The following TMEM132D variants were observed in gnomAD, a reference collection of about 807,000 sequenced individuals.
The protein encoded by TMEM132D is transmembrane protein 132D.
A neutral mutation model predicts 62.3 loss-of-function variants in TMEM132D; 21 were observed. That is an observed-to-expected ratio of 0.34 (90% CI 0.24 to 0.49). The LOEUF is 0.49. TMEM132D is among the 20% of genes least tolerant of loss of function. The pLI, the probability that TMEM132D is intolerant of heterozygous loss-of-function variation, is 0.99. For missense variants in TMEM132D, 1,346 were observed against 1,402.8 expected, an observed-to-expected ratio of 0.96 and a Z score of 0.65; for synonymous variants, 621 against 575.6, an observed-to-expected ratio of 1.08 and a Z score of -1.13.
At chr12:129,627,267 T>C (rs969981225) in intron 2 of TMEM132D, among the ~76,000 whole-genome samples, 1 of 152,224 alleles carries the variant, frequency 6.6e-6, no homozygotes, top group African/African-American at 2.4e-5. Context: ...AAGAATATAA[T>C]ACCATATTTT....
At chr12:129,790,884 G>A (rs140397539) in intron 1 of TMEM132D, among the ~76,000 whole-genome samples, 4 of 152,262 alleles carry the variant, frequency 2.6e-5, no homozygotes, top group East Asian at 1.9e-4. Context: ...TTTAATAGAT[G>A]TTCTTTAAAA....
At chr12:129,401,783 A>C in intron 3 of TMEM132D, among the ~76,000 whole-genome samples, 2 of 151,506 alleles carry the variant, frequency 1.3e-5, no homozygotes, top group Non-Finnish European at 1.5e-5. Context: ...CCTTCTCTCC[A>C]CTCCTCAACC....
intron 4 of TMEM132D, among the ~76,000 whole-genome samples, chr12:129,312,350 A>G (rs1401484470): frequency 6.6e-6 from 1 of 152,148 alleles, no homozygotes; most frequent in African/African-American, 2.4e-5. Context: ...GGGAAAATAA[A>G]AGATTTATTA....
chr12:129,174,228 T>A (rs1228866953), intron 5 of TMEM132D, among the ~76,000 whole-genome samples: 7 of 152,140 alleles, frequency 4.6e-5, no homozygotes, highest in Non-Finnish European at 1.0e-4. Flanking sequence ...TCACTCCCCT[T>A]GCCCCCCACC....
Position 129,830,267 on chromosome 12 carries a change from C to T in TMEM132D, c.79+72994G>A, listed in dbSNP as rs142162483. On this transcript the variant is annotated intron_variant, in intron 1 of 8. Coordinates refer to ENST00000422113, the MANE Select transcript of TMEM132D (RefSeq NM_133448.3). ...GCCACATGAGAGAGAGAAAGAGAGA[C>T]GATAGATGACAACATACACACTCAT... 3.3e-4 allele frequency among the ~76,000 whole-genome samples: 50 copies of T among 152,150 alleles called. No individual in the cohort carries two copies. In the East Asian group the frequency reaches 8.1e-3, roughly 25 times the overall value.
At chr12:129,541,926 A>T (rs563124576) in intron 2 of TMEM132D, among the ~76,000 whole-genome samples, 2 of 152,322 alleles carry the variant, frequency 1.3e-5, no homozygotes, top group African/African-American at 4.8e-5. Flanking sequence ...CACTCTTCTT[A>T]AAAACAAAGC....
At chr12:129,664,469 G>C (rs1880323516) in intron 2 of TMEM132D, among the ~76,000 whole-genome samples, 1 of 125,622 alleles carries the variant, frequency 8.0e-6, no homozygotes, top group Non-Finnish European at 1.6e-5. Flanking sequence ...TTGTTGCCCA[G>C]GCTGGAGTGC....
intron 1 of TMEM132D, among the ~76,000 whole-genome samples, chr12:129,717,011 C>A (rs1455761349): frequency 1.3e-5 from 2 of 152,198 alleles, no homozygotes; most frequent in South Asian, 4.1e-4. Context: ...ATGCAACCCA[C>A]CTTCATGTTG....
At chr12:129,875,691 G>A (rs1217981608) in intron 1 of TMEM132D, among the ~76,000 whole-genome samples, 1 of 152,182 alleles carries the variant, frequency 6.6e-6, no homozygotes, top group African/African-American at 2.4e-5. Flanking sequence ...TGGGGATTTG[G>A]CAGGGAGGCA....
At chr12:129,305,647 G>C (rs539762193) in intron 4 of TMEM132D, among the ~76,000 whole-genome samples, 1 of 152,200 alleles carries the variant, frequency 6.6e-6, no homozygotes, top group African/African-American at 2.4e-5. Context: ...TACATGCTAT[G>C]AATCTGAGCT....
chr12:129,236,152 G>A (rs1879776524), intron 4 of TMEM132D, among the ~76,000 whole-genome samples: 3 of 79,280 alleles, frequency 3.8e-5, no homozygotes, highest in Admixed American at 2.6e-4. Flanking sequence ...GTATGTGTGT[G>A]TATGAGAGAG....
chr12:129,729,510 G>C (rs2137250814), intron 1 of TMEM132D, among the ~76,000 whole-genome samples: 1 of 151,900 alleles, frequency 6.6e-6, no homozygotes, highest in East Asian at 1.9e-4. Flanking sequence ...AAAAAACCCT[G>C]GTCTAGTCAT....
intron 3 of TMEM132D, among the ~76,000 whole-genome samples, chr12:129,454,368 C>T (rs1873393907): frequency 6.6e-6 from 1 of 152,114 alleles, no homozygotes; most frequent in Admixed American, 6.6e-5. Flanking sequence ...GGAACCAAAG[C>T]CAACAGGATC....
At position 129,699,147 on chromosome 12, in the gene TMEM132D, C is replaced by A. The variant is rs914782602; in HGVS notation, c.968+663G>T. Among the ~76,000 whole-genome samples, 6 of 152,254 alleles carry A rather than the reference C, an allele frequency of 3.9e-5. No individual in the cohort carries two copies. In the South Asian group the frequency reaches 1.2e-3, roughly 32 times the overall value. ...GCCTAGGCAAGTAGCTTCTCTCATA[C>A]GTTATATTCCACAGTGAAAACCAGC... On this transcript the variant is annotated intron_variant, in intron 2 of 8. Transcript: ENST00000422113.
chr12:129,217,001 G>T lies in TMEM132D; in HGVS notation c.1300-7338C>A, dbSNP rs931157028. 1.1e-4 allele frequency among the ~76,000 whole-genome samples: 17 copies of T among 152,182 alleles called. No individual in the cohort carries two copies. The East Asian group carries it at 1.7e-3, about 16-fold the overall frequency. On this transcript the variant is annotated intron_variant, in intron 4 of 8. Transcript: ENST00000422113. ...GTAACGGGAAAAAACATTTTTTGTT[G>T]TTGTTGTTGTTGTTCTTTTTTGTCC...
intron 2 of TMEM132D, among the ~76,000 whole-genome samples, chr12:129,604,403 T>A (rs1178234143): frequency 6.6e-6 from 1 of 152,192 alleles, no homozygotes; most frequent in East Asian, 1.9e-4. Flanking sequence ...CTGAAGGATA[T>A]CTTGGTTGCT....
intron 4 of TMEM132D, among the ~76,000 whole-genome samples, chr12:129,253,210 T>C (rs1880316494): frequency 6.9e-6 from 1 of 145,222 alleles, no homozygotes; most frequent in Non-Finnish European, 1.5e-5. Flanking sequence ...TAAAATAAAA[T>C]AAATAAAAAT....
intron 1 of TMEM132D, among the ~76,000 whole-genome samples, chr12:129,865,007 C>G (rs544286181): frequency 1.3e-5 from 2 of 152,140 alleles, no homozygotes; most frequent in East Asian, 3.9e-4. Context: ...TTATGCTCAT[C>G]ATGGAGCCTC....
chr12:129,699,666 T>C (rs1049661369), intron 2 of TMEM132D, 144 bp downstream of exon 2: 3 of 976,984 alleles, frequency 3.1e-6, no homozygotes, highest in African/African-American at 1.6e-5. Context: ...GTCTCTGTAT[T>C]CCACGGTGCA....
Sources: allele counts gnomAD v4.1 joint callset (sites outside exome capture counted in the v4.1 genomes callset), GRCh38; gene constraint gnomAD v4.1.1; transcripts MANE v1.5; gene names NCBI Gene and HGNC (gene_info 2026-07-23, HGNC 2026-07-21).